Variants in ASIC4 observed in about 807,000 individuals in gnomAD.
ASIC4 encodes acid sensing ion channel subunit family member 4.
ASIC4 carries 28 observed loss-of-function variants against 53.4 expected under a neutral mutation model. That is an observed-to-expected ratio of 0.52 (90% confidence interval 0.39 to 0.72). ASIC4 has a LOEUF of 0.72. Among genes scored for constraint, ASIC4 ranks in the 30% least tolerant of loss-of-function variants. The pLI, the probability that ASIC4 is intolerant of heterozygous loss-of-function variation, is 0.00. For synonymous variants in ASIC4, 289 were observed against 301.4 expected, an observed-to-expected ratio of 0.96 and a Z score of 0.43; for missense variants, 649 against 729.7, an observed-to-expected ratio of 0.89 and a Z score of 1.27.
At chr2:219,508,463 G>T in the ASIC4 span, among the ~76,000 whole-genome samples, 1 of 152,112 alleles carries the variant, frequency 6.6e-6, no homozygotes, top group Non-Finnish European at 1.5e-5. Context: ...TGTTTGAAGG[G>T]GGGTGCCGCT....
chr2:219,533,492 A>G (rs933060459), intron 5 of ASIC4: 2 of 163,262 alleles, frequency 1.2e-5, no homozygotes, highest in African/African-American at 4.8e-5. Flanking sequence ...CAGCCCGTCA[A>G]CTCCTGGAGA....
chr2:219,532,525 C>G, intron 4 of ASIC4, 48 bp downstream of exon 4: 3 of 1,583,908 alleles, frequency 1.9e-6, no homozygotes, highest in Non-Finnish European at 2.6e-6. Flanking sequence ...CTGCTAGGCT[C>G]CAGAGCCTCC....
At chr2:219,532,553 C>T in intron 4 of ASIC4, 76 bp downstream of exon 4, 3 of 1,539,444 alleles carry the variant, frequency 1.9e-6, no homozygotes, top group Non-Finnish European at 2.6e-6. Context: ...AGGCACTGCT[C>T]ATGTGCACAG....
intron 1 of ASIC4, among the ~76,000 whole-genome samples, chr2:219,526,592 C>T (rs778824653): frequency 5.9e-5 from 9 of 152,040 alleles, no homozygotes; most frequent in East Asian, 1.9e-4. Flanking sequence ...CAGGGACAGA[C>T]GGGTCAGGCG....
At chr2:219,535,416 T>C in intron 6 of ASIC4, 92 bp downstream of exon 6, 1 of 1,365,598 alleles carries the variant, frequency 7.3e-7, no homozygotes, top group Non-Finnish European at 9.9e-7. Context: ...TACGTGTGTG[T>C]GAGTGTATGT....
intron 5 of ASIC4, 83 bp downstream of exon 5, chr2:219,533,022 C>A: frequency 7.1e-7 from 1 of 1,418,036 alleles, no homozygotes; most frequent in Non-Finnish European, 1.0e-6. Flanking sequence ...CTTGGATCCT[C>A]CCCTCCCAAT....
In ASIC4 at chr2:219,516,749, C is replaced by A. The variant is rs577631106; in HGVS notation, c.582+1443C>A. The A allele has an allele frequency of 6.6e-6, 1 of 152,420 alleles. No homozygotes were observed. Among genetic ancestry groups the A allele is most frequent in the Non-Finnish European group, 1.5e-5 (1 of 68,100 alleles). The allele number at this position is 152,420 out of a possible 1,614,324, so 9.4% of individuals were successfully genotyped here. On this transcript the variant is annotated intron_variant, in intron 1 of 9. Transcript: ENST00000358078. The surrounding 1 kb of genome is among the most constrained non-coding windows in gnomAD (Gnocchi z 4.9). ...GCTCCAGCCAACGAGGTTCCTGGCC[C>A]CCACCATGCCTGCAGTGTCTGGGGC... is the stretch of plus-strand genomic sequence containing the variant.
intron 5 of ASIC4, among the ~76,000 whole-genome samples, chr2:219,534,256 C>T (rs74527105): frequency 0.023 from 3,516 of 152,344 alleles, 129 homozygotes; most frequent in African/African-American, 0.078. Context: ...CTGTCCCCCA[C>T]ACCACCTGCA....
At chr2:219,511,053 C>T (rs934077469), upstream of ASIC4, among the ~76,000 whole-genome samples, 7 of 152,154 alleles carry the variant, frequency 4.6e-5, no homozygotes, top group Non-Finnish European at 1.0e-4. This position sits in a 1 kb window ranked among gnomAD's most constrained non-coding sequence, Gnocchi z 5.3. Flanking sequence ...CACACTGGCT[C>T]ATCACTTGGT....
intron 1 of ASIC4, among the ~76,000 whole-genome samples, chr2:219,515,771 C>A (rs1211664203): frequency 6.6e-6 from 1 of 152,142 alleles, no homozygotes; most frequent in African/African-American, 2.4e-5. Context: ...AGGGAAGGAC[C>A]CCGGGTGGCC....
chr2:219,536,474 T>C lies in ASIC4; in HGVS notation c.1230-592T>C, dbSNP rs1360257381. Among the ~76,000 whole-genome samples, 2 of 152,180 alleles carry C rather than the reference T, an allele frequency of 1.3e-5. No individual in the cohort carries two copies. The highest frequency in any genetic ancestry group is 1.9e-4 in the East Asian group (1 of 5,148). ...GTCAATGAGCCCACGTTTGATCATG[T>C]AGGACTGATTCTCAGGCCCCAGTCG... On this transcript the variant is annotated intron_variant, in intron 6 of 9. Coordinates refer to ENST00000358078, the MANE Select transcript of ASIC4 (RefSeq NM_018674.6). This position sits in a 1 kb window ranked among gnomAD's most constrained non-coding sequence, Gnocchi z 4.6.
At chr2:219,527,804 G>A (rs959542590) in intron 1 of ASIC4, among the ~76,000 whole-genome samples, 2 of 152,208 alleles carry the variant, frequency 1.3e-5, no homozygotes, top group Non-Finnish European at 2.9e-5. Flanking sequence ...GTACAAAGTC[G>A]GGATGTTTGA....
chr2:219,531,229 G>A (rs940016789), intron 1 of ASIC4, among the ~76,000 whole-genome samples: 32 of 151,934 alleles, frequency 2.1e-4, no homozygotes, highest in African/African-American at 7.0e-4. Flanking sequence ...AGCTGGGCTT[G>A]GTGGCATATG....
intron 1 of ASIC4, among the ~76,000 whole-genome samples, chr2:219,523,687 C>G (rs751952717): frequency 2.6e-5 from 4 of 152,188 alleles, no homozygotes; most frequent in Non-Finnish European, 5.9e-5. Context: ...CCTGTTCCAC[C>G]GTGGTGACCT....
rs923020793 is a variant in ASIC4, at chr2:219,515,248, A to C, written c.524A>C (p.Asp175Ala). ...AACCGCACTGGCCACCAGCTCGCCG[A>C]CATGCTTAAGAGCTGCAACTTCAGT... is the stretch of plus-strand genomic sequence containing the variant. ...ILNRTGHQLA[D>A]MLKSCNFSGH... Residue 175 changes from aspartate (D) to alanine (A), a missense_variant, in exon 1 of 10, where the codon GAC (aspartate) becomes GCC (alanine). Asp to Ala is a moderately radical substitution (Grantham distance 126). Coordinates refer to ENST00000358078, the MANE Select transcript of ASIC4 (RefSeq NM_018674.6). 1 of 1,614,110 alleles carries C rather than the reference A, an allele frequency of 6.2e-7. No individual in the cohort carries two copies. The highest frequency in any genetic ancestry group is 8.5e-7 in the Non-Finnish European group (1 of 1,179,982).
upstream of ASIC4, among the ~76,000 whole-genome samples, chr2:219,510,894 T>G (rs1694692177): frequency 6.7e-6 from 1 of 150,168 alleles, no homozygotes; most frequent in African/African-American, 2.4e-5. The surrounding 1 kb of genome is among the most constrained non-coding windows in gnomAD (Gnocchi z 5.2). Flanking sequence ...GTCCGCGGCA[T>G]AAATAACCCA....
intron 4 of ASIC4, 174 bp from the exon 5 acceptor site, chr2:219,532,709 C>A: frequency 1.2e-6 from 1 of 817,176 alleles, no homozygotes; most frequent in Non-Finnish European, 1.9e-6. Flanking sequence ...TGTGTACGTG[C>A]ATGCTCATTT....
intron 1 of ASIC4, among the ~76,000 whole-genome samples, chr2:219,527,300 C>T (rs970906848): frequency 2.6e-5 from 4 of 152,260 alleles, no homozygotes; most frequent in Admixed American, 1.3e-4. Flanking sequence ...TCCTGCCAGT[C>T]TGGCCAGTCC....
At position 219,537,910 on chromosome 2, in the gene ASIC4, T is replaced by G. The variant is rs778268308; in HGVS notation, c.1507-23T>G. ...ACCACTTGAGCTCTCCCGGTCCCAC[T>G]CTCTCTTTTCTTTCTCCTGCAGAGT... On this transcript the variant is annotated intron_variant, in intron 9 of 9. Transcript: ENST00000358078. The surrounding 1 kb of genome is among the most constrained non-coding windows in gnomAD (Gnocchi z 4.9). 1 of 1,574,790 alleles carries G rather than the reference T, an allele frequency of 6.4e-7. No individual in the cohort carries two copies. Among genetic ancestry groups the G allele is most frequent in the South Asian group, 1.2e-5 (1 of 86,312 alleles).
Sources: allele counts gnomAD v4.1 joint callset (sites outside exome capture counted in the v4.1 genomes callset), GRCh38; gene constraint gnomAD v4.1.1; non-coding constraint Gnocchi (gnomAD v3.1); transcripts MANE v1.5; gene names NCBI Gene and HGNC (gene_info 2026-07-23, HGNC 2026-07-21).